SLC44A5: variants seen among roughly 807,000 people sequenced by gnomAD.
The protein encoded by SLC44A5 is choline transporter-like protein 5.
A neutral mutation model predicts 101.8 loss-of-function variants in SLC44A5; 57 were observed. The observed-to-expected ratio is 0.56, with a 90% CI of 0.45 to 0.70. The LOEUF (loss-of-function observed/expected upper bound fraction) is 0.70, where lower values mean the gene tolerates loss of function less well. SLC44A5 is among the 30% of genes least tolerant of loss of function. The pLI, the probability that SLC44A5 is intolerant of heterozygous loss-of-function variation, is 0.00. For synonymous variants in SLC44A5, 281 were observed against 290.9 expected (o/e 0.97, Z 0.35); for missense variants, 737 against 853.1 (o/e 0.86, Z 1.70).
chr1:75,580,884 A>G (rs1037143568), intron 1 of SLC44A5, among the ~76,000 whole-genome samples: 5 of 151,854 alleles, frequency 3.3e-5, no homozygotes, highest in African/African-American at 1.2e-4. Context: ...GAAAGGAAAG[A>G]GGGCCCATAT....
chr1:75,686,163 C>G, the SLC44A5 span, among the ~76,000 whole-genome samples: 3 of 152,148 alleles, frequency 2.0e-5, no homozygotes, highest in Non-Finnish European at 4.4e-5. Flanking sequence ...AACTACTATT[C>G]AAGGTGAGAT....
intron 2 of SLC44A5, among the ~76,000 whole-genome samples, chr1:75,462,411 G>T (rs574882657): frequency 2.0e-5 from 3 of 152,140 alleles, no homozygotes; most frequent in Non-Finnish European, 4.4e-5. Flanking sequence ...TCCCAAGAAA[G>T]ACTGGTACAA....
At chr1:75,583,297 C>A (rs1395978194) in intron 1 of SLC44A5, among the ~76,000 whole-genome samples, 1 of 152,150 alleles carries the variant, frequency 6.6e-6, no homozygotes, top group Admixed American at 6.5e-5. Context: ...TATCAGATGC[C>A]CTCTGTCATA....
At chr1:75,602,070 G>T (rs912872195) in intron 1 of SLC44A5, among the ~76,000 whole-genome samples, 1 of 152,096 alleles carries the variant, frequency 6.6e-6, no homozygotes, top group African/African-American at 2.4e-5. Context: ...TTTAGTAAAT[G>T]ATTATTTCTA....
At chr1:75,250,247 G>T (rs555015500) in intron 7 of SLC44A5, among the ~76,000 whole-genome samples, 1 of 152,002 alleles carries the variant, frequency 6.6e-6, no homozygotes, top group Non-Finnish European at 1.5e-5. Context: ...GTGAGAACAC[G>T]TGGCATTTGG....
chr1:75,503,499 TAA>T (rs1386906061), intron 2 of SLC44A5, among the ~76,000 whole-genome samples: 2 of 152,194 alleles, frequency 1.3e-5, no homozygotes, highest in Admixed American at 1.3e-4. Flanking sequence ...GCCATGATTT[TAA>T]GTTTCCTGAG....
chr1:75,491,511 T>A (rs577538071), intron 2 of SLC44A5, among the ~76,000 whole-genome samples: 2 of 152,262 alleles, frequency 1.3e-5, no homozygotes, highest in African/African-American at 4.8e-5. Flanking sequence ...AGTATACATA[T>A]AAGAAACAGG....
At chr1:75,519,455 G>A (rs893520795) in intron 2 of SLC44A5, among the ~76,000 whole-genome samples, 1 of 152,128 alleles carries the variant, frequency 6.6e-6, no homozygotes, top group Non-Finnish European at 1.5e-5. Flanking sequence ...CGACTTGGGA[G>A]GCTGAGGCAG....
At chr1:75,223,206 C>G (rs1647125397) in intron 13 of SLC44A5, among the ~76,000 whole-genome samples, 1 of 152,132 alleles carries the variant, frequency 6.6e-6, no homozygotes, top group Admixed American at 6.5e-5. Flanking sequence ...GCTTTCATTT[C>G]CTGACTCCAA....
intron 5 of SLC44A5, among the ~76,000 whole-genome samples, chr1:75,283,684 G>C (rs1214319394): frequency 1.3e-5 from 2 of 152,088 alleles, no homozygotes; most frequent in Non-Finnish European, 2.9e-5. Context: ...TAAGGTGAGA[G>C]ATGAAGATCC....
At chr1:75,582,585 G>A in intron 1 of SLC44A5, 2 of 380,640 alleles carry the variant, frequency 5.3e-6, no homozygotes, top group Non-Finnish European at 9.5e-6. Context: ...GCCAATATGA[G>A]GACAGAAGGA....
Position 75,396,589 on chromosome 1 carries a change from C to T in SLC44A5, c.46G>A (p.Asp16Asn), listed in dbSNP as rs1314145691. The change falls in exon 3 of 24, where the codon GAC (aspartate) becomes AAC (asparagine). Residue 16 changes from aspartate to asparagine, a missense_variant. This residue lies in a region of SLC44A5 where 665 missense variants were observed against 764.4 expected (regional missense o/e 0.87). Coordinates refer to ENST00000370859, the MANE Select transcript of SLC44A5 (RefSeq NM_001130058.2). ...TACTCAGACTATGACTTACCAAAGT[C>T]CTCTTCCTCAGAGGGAGTATCTGCT... is the stretch of plus-strand genomic sequence containing the variant. ...KPADTPSEEEDFGDPRTYDPD... is the reference protein window; with the variant it reads ...KPADTPSEEENFGDPRTYDPD... The T allele has an allele frequency of 2.5e-6, 4 of 1,612,286 alleles. No individual in the cohort carries two copies. In the East Asian group the frequency reaches 8.9e-5, roughly 36 times the overall value.
intron 2 of SLC44A5, among the ~76,000 whole-genome samples, chr1:75,413,139 C>T (rs553222198): frequency 2.0e-5 from 3 of 152,170 alleles, no homozygotes; most frequent in East Asian, 1.9e-4. Flanking sequence ...TATTTATTAG[C>T]TATTTTTAAT....
the SLC44A5 span, among the ~76,000 whole-genome samples, chr1:75,678,032 C>T: frequency 0.032 from 4,812 of 152,284 alleles, 250 homozygotes; most frequent in African/African-American, 0.11. Context: ...GTCACTCCCA[C>T]CCAAATACTG....
intron 5 of SLC44A5, among the ~76,000 whole-genome samples, chr1:75,293,595 C>T (rs1450012731): frequency 6.6e-6 from 1 of 152,176 alleles, no homozygotes; most frequent in Non-Finnish European, 1.5e-5. Context: ...TAATAGGACA[C>T]ATGATACCAA....
the SLC44A5 span, among the ~76,000 whole-genome samples, chr1:75,633,199 G>C: frequency 3.0e-4 from 46 of 152,256 alleles, no homozygotes; most frequent in African/African-American, 1.1e-3. Flanking sequence ...GCTTGGCGAT[G>C]CGGGCTCTTT....
At chr1:75,437,631 G>T (rs903963419) in intron 2 of SLC44A5, among the ~76,000 whole-genome samples, 16 of 152,072 alleles carry the variant, frequency 1.1e-4, no homozygotes, top group Admixed American at 9.8e-4. Flanking sequence ...TGAAATAACA[G>T]AGTTGTCCAA....
intron 2 of SLC44A5, among the ~76,000 whole-genome samples, chr1:75,528,332 A>C (rs1431189802): frequency 6.6e-6 from 1 of 152,222 alleles, no homozygotes; most frequent in Non-Finnish European, 1.5e-5. Flanking sequence ...TTCAGGAAGC[A>C]AAAAATATAT....
chr1:75,624,391 G>A, the SLC44A5 span, among the ~76,000 whole-genome samples: 3 of 152,256 alleles, frequency 2.0e-5, no homozygotes, highest in East Asian at 5.8e-4. Flanking sequence ...ATAAAAGGTT[G>A]TTGGGAACAT....
Sources: gnomAD v4.1 joint callset for allele counts (sites outside exome capture counted in the v4.1 genomes callset) on GRCh38, gnomAD v4.1.1 for gene constraint, gnomAD v4.1.1 regional missense constraint, MANE v1.5 for transcripts, NCBI Gene and HGNC (gene_info 2026-07-23, HGNC 2026-07-21) for gene names.